CDH23: variants seen among roughly 807,000 people sequenced by gnomAD.
CDH23 encodes the protein cadherin-23.
In CDH23, 189 loss-of-function variants were observed where a neutral mutation model predicts 317.1. That is an observed-to-expected ratio of 0.60 (90% confidence interval 0.53 to 0.67). CDH23 has a LOEUF of 0.67. Ranked by LOEUF, CDH23 falls within the 30% of genes least tolerant of loss-of-function variation. The pLI is 0.00. For missense variants in CDH23, 4,401 were observed against 4,592.4 expected (o/e 0.96, Z 1.20); for synonymous variants, 1,839 against 1,876.8 (o/e 0.98, Z 0.52).
intron 35 of CDH23, among the ~76,000 whole-genome samples, chr10:71,739,056 C>T (rs1158860535): frequency 2.0e-5 from 3 of 152,206 alleles, no homozygotes; most frequent in Admixed American, 6.5e-5. Context: ...AGTGATGAAA[C>T]CCGCCAGTGT....
chr10:71,774,704 C>G (rs140312055), intron 38 of CDH23, among the ~76,000 whole-genome samples: 73 of 152,354 alleles, frequency 4.8e-4, no homozygotes, highest in African/African-American at 1.2e-3. Context: ...TGGAAGAGCA[C>G]AGCCATTTTA....
At chr10:71,718,736 G>C (rs532865101) in intron 28 of CDH23, among the ~76,000 whole-genome samples, 1 of 152,198 alleles carries the variant, frequency 6.6e-6, no homozygotes, top group South Asian at 2.1e-4. Context: ...TAGCAAATAG[G>C]ATCCAGGCTT....
At chr10:71,814,560 G>A (rs1842054300) in intron 69 of CDH23, among the ~76,000 whole-genome samples, 1 of 152,234 alleles carries the variant, frequency 6.6e-6, no homozygotes. Context: ...GTGGGAGGCT[G>A]AGGCCGGAGA....
chr10:71,516,412 G>A (rs757593434), intron 6 of CDH23, among the ~76,000 whole-genome samples: 14 of 152,198 alleles, frequency 9.2e-5, no homozygotes, highest in Non-Finnish European at 1.3e-4. Flanking sequence ...TCCTGGCCCT[G>A]GGCCCCACTA....
intron 9 of CDH23, among the ~76,000 whole-genome samples, chr10:71,589,010 C>A (rs2132438172): frequency 6.6e-6 from 1 of 152,338 alleles, no homozygotes; most frequent in East Asian, 1.9e-4. Context: ...CACTCACACG[C>A]AAACAGCTCC....
chr10:71,537,338 TC>T (rs1855756192), intron 6 of CDH23, among the ~76,000 whole-genome samples: 1 of 152,212 alleles, frequency 6.6e-6, no homozygotes, highest in South Asian at 2.1e-4. Flanking sequence ...CGGGACATGA[TC>T]CGTCAGGGAT....
At chr10:71,789,261 G>A (rs1054920719) in intron 45 of CDH23, among the ~76,000 whole-genome samples, 2 of 152,212 alleles carry the variant, frequency 1.3e-5, no homozygotes, top group Non-Finnish European at 2.9e-5. Flanking sequence ...AGAGACAGTC[G>A]TGGTCATTGT....
intron 24 of CDH23, among the ~76,000 whole-genome samples, chr10:71,703,825 G>A (rs2132736855): frequency 6.6e-6 from 1 of 152,338 alleles, no homozygotes; most frequent in African/African-American, 2.4e-5. Flanking sequence ...GGGGAGGCGG[G>A]GTGAGAGCAA....
intron 47 of CDH23, among the ~76,000 whole-genome samples, chr10:71,792,588 G>T (rs1320921040): frequency 1.3e-5 from 2 of 151,646 alleles, no homozygotes; most frequent in Non-Finnish European, 1.5e-5. Context: ...AATTTGGGAG[G>T]CTGAGGCAGG....
intron 11 of CDH23, among the ~76,000 whole-genome samples, chr10:71,642,388 G>A (rs953263845): frequency 2.2e-5 from 3 of 138,202 alleles, no homozygotes; most frequent in Non-Finnish European, 4.6e-5. Context: ...AAGCTGGCCC[G>A]GCCTCTTTTT....
At chr10:71,410,211 A>G (rs980242763) in intron 1 of CDH23, among the ~76,000 whole-genome samples, 5 of 152,240 alleles carry the variant, frequency 3.3e-5, no homozygotes, top group Admixed American at 3.3e-4. Flanking sequence ...GCACATAGTA[A>G]ATGTTCAACA....
intron 11 of CDH23, among the ~76,000 whole-genome samples, chr10:71,638,286 A>G (rs1305090899): frequency 6.6e-6 from 1 of 152,154 alleles, no homozygotes; most frequent in Non-Finnish European, 1.5e-5. Context: ...CCCCTGGGTC[A>G]CTAACCCAGG....
At chr10:71,509,439 A>G (rs944448915) in intron 3 of CDH23, among the ~76,000 whole-genome samples, 3 of 152,264 alleles carry the variant, frequency 2.0e-5, no homozygotes, top group Non-Finnish European at 4.4e-5. Context: ...TCAGAAAGCC[A>G]TCAGGAATCT....
intron 2 of CDH23, 112 bp from the exon 3 acceptor site, chr10:71,446,206 G>A: frequency 9.9e-7 from 1 of 1,014,054 alleles, no homozygotes; most frequent in Non-Finnish European, 1.5e-6. Flanking sequence ...AGTTGACCAT[G>A]GCCATGGACA....
At chr10:71,534,287 CT>C (rs1241756304) in intron 6 of CDH23, among the ~76,000 whole-genome samples, 1 of 152,152 alleles carries the variant, frequency 6.6e-6, no homozygotes, top group African/African-American at 2.4e-5. Context: ...GAACAGGCCC[CT>C]CAACTCCACC....
intron 4 of CDH23, among the ~76,000 whole-genome samples, 190 bp from the exon 5 acceptor site, chr10:71,510,764 A>G (rs1853922903): frequency 6.6e-6 from 1 of 152,124 alleles, no homozygotes; most frequent in Non-Finnish European, 1.5e-5. Context: ...TCTTAAAGCA[A>G]GGATCCATAT....
chr10:71,655,156 C>T (rs1431728759), intron 14 of CDH23, among the ~76,000 whole-genome samples: 2 of 152,170 alleles, frequency 1.3e-5, no homozygotes, highest in African/African-American at 4.8e-5. Context: ...CCTTTCCAGC[C>T]TGGGACGAGC....
At position 71,695,438 on chromosome 10, in the gene CDH23, C is replaced by T. The variant is rs886047131; in HGVS notation, c.2310C>T (p.Asp770=). ...CACAGGTAAACATCACCCTCCTGGA[C>T]ATCAATGACAACCACCCCACGTGGA... The part of the protein sequence containing the change: ...GIATVNITLL[D]INDNHPTWKD... Residue 770 remains aspartate (D), a synonymous_variant, in exon 22 of 70, where the codon GAC becomes GAT. Transcript: ENST00000224721. 1.9e-5 allele frequency: 31 copies of T among 1,612,610 alleles called. No homozygotes were observed. The highest frequency in any genetic ancestry group is 2.5e-5 in the Non-Finnish European group (30 of 1,178,710).
Position 71,751,377 on chromosome 10 carries a change from G to A in CDH23, c.4845+9456G>A, listed in dbSNP as rs999052671. 2.8e-5 allele frequency: 29 copies of A among 1,030,766 alleles called. No individual in the cohort carries two copies. Among genetic ancestry groups the A allele is most frequent in the Non-Finnish European group, 3.6e-5 (26 of 714,232 alleles). The allele number at this position is 1,030,766 out of a possible 1,614,324, so 63.9% of individuals were successfully genotyped here. A position where few individuals can be genotyped will look rare whatever the true frequency, so the allele number is the denominator to read the frequency against. ...CCGTGAGGCCGTGGAACTCTTCAGG[G>A]AGGTGAATGGGGGCCCCTCTGTCCC... On this transcript the variant is annotated intron_variant, in intron 38 of 69. Transcript: ENST00000224721. This position sits in a 1 kb window ranked among gnomAD's most constrained non-coding sequence, Gnocchi z 4.9.
Sources: allele counts gnomAD v4.1 joint callset (sites outside exome capture counted in the v4.1 genomes callset), GRCh38; gene constraint gnomAD v4.1.1; non-coding constraint Gnocchi (gnomAD v3.1); transcripts MANE v1.5; gene names NCBI Gene and HGNC (gene_info 2026-07-23, HGNC 2026-07-21).